The following FOXP1 variants were observed in gnomAD, a reference collection of about 807,000 sequenced individuals.
FOXP1 encodes forkhead box P1.
In FOXP1, 15 loss-of-function variants were observed where a neutral mutation model predicts 98.2. The ratio of observed to expected loss-of-function variants is 0.15; its 90% CI spans 0.10 to 0.24. The LOEUF is 0.24. Among genes scored for constraint, FOXP1 ranks in the 10% least tolerant of loss-of-function variants. The pLI, the probability that FOXP1 is intolerant of heterozygous loss-of-function variation, is 1.00. For synonymous variants in FOXP1, 371 were observed against 314.5 expected, an observed-to-expected ratio of 1.18 and a Z score of -1.90; for missense variants, 633 against 848.5, an observed-to-expected ratio of 0.75 and a Z score of 3.15.
intron 3 of FOXP1, among the ~76,000 whole-genome samples, chr3:71,386,567 C>T (rs1560409187): frequency 6.6e-6 from 1 of 151,946 alleles, no homozygotes; most frequent in Non-Finnish European, 1.5e-5. Context: ...ATGGTGAAAC[C>T]CCGTCTCTAC....
chr3:71,111,501 G>A (rs1300980010), intron 7 of FOXP1, among the ~76,000 whole-genome samples: 6 of 152,116 alleles, frequency 3.9e-5, no homozygotes, highest in Non-Finnish European at 5.9e-5. Flanking sequence ...GGGTTCAAGC[G>A]ATTCTCCTGC....
At chr3:71,009,779 T>A (rs2043316300) in intron 12 of FOXP1, among the ~76,000 whole-genome samples, 1 of 152,160 alleles carries the variant, frequency 6.6e-6, no homozygotes, top group African/African-American at 2.4e-5. Flanking sequence ...GACAAGGTTT[T>A]GCTTTGCTAC....
At chr3:71,386,525 G>A (rs67898769) in intron 3 of FOXP1, among the ~76,000 whole-genome samples, 28,154 of 151,914 alleles carry the variant, frequency 0.19, 2,816 homozygotes, top group South Asian at 0.24. Flanking sequence ...GGCAGATCAC[G>A]ACCTCAAAAG....
At chr3:71,409,418 A>G (rs1211236105) in intron 3 of FOXP1, among the ~76,000 whole-genome samples, 1 of 152,186 alleles carries the variant, frequency 6.6e-6, no homozygotes, top group Admixed American at 6.5e-5. Context: ...TACTGAGTAA[A>G]GAAATAAACA....
chr3:71,166,406 T>C (rs1056079966), intron 6 of FOXP1, among the ~76,000 whole-genome samples: 7 of 152,230 alleles, frequency 4.6e-5, no homozygotes, highest in Admixed American at 2.6e-4. Flanking sequence ...TAAACTTTTC[T>C]TGAACTTTCT....
chr3:71,123,647 A>C (rs1433446008), intron 6 of FOXP1, among the ~76,000 whole-genome samples: 1 of 152,108 alleles, frequency 6.6e-6, no homozygotes, highest in Non-Finnish European at 1.5e-5. Context: ...CTTCACCTCC[A>C]TCTAAGTGAG....
At position 70,977,944 on chromosome 3, in the gene FOXP1, G is replaced by A; in HGVS notation, c.1232C>T (p.Thr411Ile). The A allele has an allele frequency of 6.2e-7, 1 of 1,614,184 alleles. No individual in the cohort carries two copies. Among genetic ancestry groups the A allele is most frequent in the Non-Finnish European group, 8.5e-7 (1 of 1,180,016 alleles). ...TTGGGTGACGGGAGTCAGGGGGGCG[G>A]TTGGGGTCGTTGGAGTATGAGGTAA... ...QSLPHTPTTPTAPLTPVTQGP... is the reference protein window; with the variant it reads ...QSLPHTPTTPIAPLTPVTQGP... Residue 411 changes from threonine (T) to isoleucine (I), a missense_variant, in exon 15 of 21, where the codon ACC (threonine) becomes ATC (isoleucine). By Grantham distance (89) the Thr-to-Ile change is moderately conservative. Around this residue, in one of 6 missense-constraint regions of FOXP1, gnomAD observed 141 missense variants for 199.5 expected, o/e 0.71. Coordinates refer to ENST00000649528, the MANE Select transcript of FOXP1 (RefSeq NM_001349338.3).
Position 71,428,349 on chromosome 3 carries a change from A to G in FOXP1, c.-168+65077T>C, listed in dbSNP as rs78099054. ...CCTCTGCAATCCCTTTTTGGTTTTA[A>G]AAACGCCCTTGTTCCAAATGTTTCC... On this transcript the variant is annotated intron_variant, in intron 3 of 20. Coordinates refer to ENST00000649528, the MANE Select transcript of FOXP1 (RefSeq NM_001349338.3). 6.3e-3 allele frequency among the ~76,000 whole-genome samples: 955 copies of G among 152,340 alleles called. 13 individuals carry two copies. Among genetic ancestry groups the G allele is most frequent in the African/African-American group, 0.022 (929 of 41,566 alleles).
chr3:70,955,447 G>A lies in FOXP1; in HGVS notation c.*3800C>T, dbSNP rs1248016442. ...CTTACAAGACGGACTCTAGGGACAG[G>A]TAGGTTGGATCCTCATTCCTGACAG... On this transcript the variant is annotated 3_prime_UTR_variant, in exon 21 of 21. Transcript: ENST00000649528. 1 of 232,702 alleles carries A rather than the reference G, an allele frequency of 4.3e-6. No individual in the cohort carries two copies. Among genetic ancestry groups the A allele is most frequent in the Non-Finnish European group, 8.5e-6 (1 of 117,878 alleles). 14.4% of individuals were successfully genotyped at this position (232,702 alleles called of 1,614,324 possible).
At chr3:71,296,348 T>G (rs1297017285) in intron 5 of FOXP1, 1 of 152,234 alleles carries the variant, frequency 6.6e-6, no homozygotes, top group Admixed American at 6.5e-5. Flanking sequence ...GGTCTTCTCC[T>G]CATTTAAGGC....
At chr3:71,008,918 T>C (rs1198476505) in intron 12 of FOXP1, among the ~76,000 whole-genome samples, 2 of 152,052 alleles carry the variant, frequency 1.3e-5, no homozygotes, top group African/African-American at 4.8e-5. Context: ...CTCTTTTTTC[T>C]GAACCCCTCT....
intron 11 of FOXP1, among the ~76,000 whole-genome samples, chr3:71,039,176 T>C (rs1194514904): frequency 2.0e-5 from 3 of 152,120 alleles, no homozygotes; most frequent in Non-Finnish European, 2.9e-5. Context: ...GCTTCTTTTT[T>C]GCATGTACAA....
At chr3:71,360,499 G>A (rs2078484544) in intron 3 of FOXP1, 3 of 152,160 alleles carry the variant, frequency 2.0e-5, no homozygotes. Context: ...TTCCAAGTAA[G>A]TTGAAGTTGC....
intron 18 of FOXP1, chr3:70,971,030 T>A (rs1444091926): frequency 3.8e-6 from 2 of 530,620 alleles, no homozygotes; most frequent in African/African-American, 3.8e-5. Flanking sequence ...GGTGTAAAAT[T>A]CTGGCTTAGG....
chr3:71,198,425 A>AGGGGGGGGGGGGGGG (rs747142970), intron 5 of FOXP1, 33 bp from the exon 6 acceptor site: 14 of 529,870 alleles, frequency 2.6e-5, no homozygotes, highest in Middle Eastern at 4.5e-4. Flanking sequence ...GGGGGGAGGG[A>AGGGGGGGGGGGGGGG]GGGGGGGAGA....
At chr3:71,323,576 GAGTGT>G (rs1219376603) in intron 4 of FOXP1, among the ~76,000 whole-genome samples, 2 of 152,202 alleles carry the variant, frequency 1.3e-5, no homozygotes, top group African/African-American at 2.4e-5. Flanking sequence ...GGGAGGGGAA[GAGTGT>G]GTAACTAGTT....
chr3:71,527,761 G>A (rs1464254365), intron 2 of FOXP1, among the ~76,000 whole-genome samples: 1 of 152,198 alleles, frequency 6.6e-6, no homozygotes, highest in Non-Finnish European at 1.5e-5. Flanking sequence ...TGTGATGCTG[G>A]GCCATGCTTT....
At chr3:71,580,866 G>A in intron 2 of FOXP1, 4 of 985,390 alleles carry the variant, frequency 4.1e-6, no homozygotes, top group Non-Finnish European at 4.8e-6. Flanking sequence ...CTTTCAAAGG[G>A]AATCCAGAAT....
chr3:71,362,388 G>T (rs758067042), intron 3 of FOXP1, among the ~76,000 whole-genome samples: 5 of 152,052 alleles, frequency 3.3e-5, no homozygotes, highest in Non-Finnish European at 7.4e-5. Flanking sequence ...AGCCAGGATG[G>T]TCTGGATCTC....
Sources: gnomAD v4.1 joint callset for allele counts (sites outside exome capture counted in the v4.1 genomes callset) on GRCh38, gnomAD v4.1.1 for gene constraint, gnomAD v4.1.1 regional missense constraint, MANE v1.5 for transcripts, NCBI Gene and HGNC (gene_info 2026-07-23, HGNC 2026-07-21) for gene names.